Variants in AKT3 observed in about 807,000 individuals in gnomAD.
AKT3 encodes the protein AKT serine/threonine kinase 3.
AKT3 carries 15 observed loss-of-function variants against 65.3 expected under a neutral mutation model. That is an observed-to-expected ratio of 0.23 (90% CI 0.15 to 0.35). AKT3 has a LOEUF of 0.35. Among genes scored for constraint, AKT3 ranks in the 10% least tolerant of loss-of-function variants. The pLI, the probability that AKT3 is intolerant of heterozygous loss-of-function variation, is 1.00. For synonymous variants in AKT3, 206 were observed against 183.8 expected (o/e 1.12, Z -0.98); for missense variants, 243 against 576.5 (o/e 0.42, Z 5.92).
At chr1:243,815,776 A>AGTTGTTGTTGTTGTTGTTGTT (rs145906932) in intron 2 of AKT3, among the ~76,000 whole-genome samples, 21,696 of 147,104 alleles carry the variant, frequency 0.15, 1,780 homozygotes, top group East Asian at 0.24. Context: ...ACACCCAGCT[A>AGTTGTTGTTGTTGTTGTTGTT]GTTGTTGTTG....
At chr1:243,539,866 A>G (rs1475521948) in intron 12 of AKT3, among the ~76,000 whole-genome samples, 2 of 152,188 alleles carry the variant, frequency 1.3e-5, no homozygotes, top group Non-Finnish European at 2.9e-5. Flanking sequence ...TCCTTGAAAG[A>G]CACAAAGAGC....
chr1:243,684,216 G>T (rs1186831793), intron 3 of AKT3, among the ~76,000 whole-genome samples: 1 of 151,994 alleles, frequency 6.6e-6, no homozygotes, highest in East Asian at 1.9e-4. Flanking sequence ...GTGCAGGTTT[G>T]TTACATAGGT....
chr1:243,849,721 A>T (rs1695678956), intron 1 of AKT3, among the ~76,000 whole-genome samples: 1 of 151,104 alleles, frequency 6.6e-6, no homozygotes, highest in Admixed American at 6.6e-5. Flanking sequence ...GCCCAGACAC[A>T]GACGGTACCG....
intron 5 of AKT3, among the ~76,000 whole-genome samples, chr1:243,639,627 G>A (rs1238681249): frequency 1.3e-5 from 2 of 152,084 alleles, no homozygotes; most frequent in African/African-American, 4.8e-5. Context: ...ATGACATATC[G>A]GGAAGTTACC....
intron 12 of AKT3, among the ~76,000 whole-genome samples, chr1:243,526,665 A>G (rs544454999): frequency 6.6e-6 from 1 of 151,950 alleles, no homozygotes; most frequent in Non-Finnish European, 1.5e-5. Flanking sequence ...TCACTAAACT[A>G]TCAACCCACA....
At chr1:243,809,201 T>G (rs1692957310) in intron 2 of AKT3, among the ~76,000 whole-genome samples, 1 of 152,120 alleles carries the variant, frequency 6.6e-6, no homozygotes, top group South Asian at 2.1e-4. Flanking sequence ...TAAATGTAAA[T>G]GGGCTAAATG....
At chr1:243,544,838 G>A (rs1227333783) in intron 12 of AKT3, among the ~76,000 whole-genome samples, 1 of 151,360 alleles carries the variant, frequency 6.6e-6, no homozygotes, top group Non-Finnish European at 1.5e-5. Flanking sequence ...AGCCTTCTTA[G>A]GAGTGCGCCA....
chr1:243,636,802 A>G (rs1680006892), intron 6 of AKT3, among the ~76,000 whole-genome samples: 1 of 152,126 alleles, frequency 6.6e-6, no homozygotes, highest in Non-Finnish European at 1.5e-5. Context: ...GTATGATTCC[A>G]AAGCCAATGT....
chr1:243,706,364 A>G (rs1685796480), intron 2 of AKT3, among the ~76,000 whole-genome samples: 1 of 152,192 alleles, frequency 6.6e-6, no homozygotes, highest in African/African-American at 2.4e-5. Flanking sequence ...ACTAACTGGG[A>G]GTTTGCAGAG....
chr1:243,500,451 T>C lies in AKT3; in HGVS notation c.*4798A>G, dbSNP rs1348074499. 3 of 226,236 alleles carry C rather than the reference T, an allele frequency of 1.3e-5. No homozygotes were observed. The highest frequency in any genetic ancestry group is 2.2e-5 in the African/African-American group (1 of 44,982). 14.0% of individuals were successfully genotyped at this position (226,236 alleles called of 1,614,324 possible). The stretch of plus-strand genomic sequence containing the variant: ...AGTATTTGAGAGGAGCCTAAAAACG[T>C]ACTTAGTGAAATTAGAAAATTTACT... On this transcript the variant is annotated 3_prime_UTR_variant, in exon 14 of 14. Transcript: ENST00000673466.
At chr1:243,581,251 CCT>C (rs1260967352) in intron 8 of AKT3, among the ~76,000 whole-genome samples, 3 of 152,230 alleles carry the variant, frequency 2.0e-5, no homozygotes, top group Non-Finnish European at 4.4e-5. Context: ...CTGCCAACCC[CCT>C]GACCCTGGGG....
At chr1:243,843,696 G>A (rs1572445208) in intron 1 of AKT3, 2 of 550,102 alleles carry the variant, frequency 3.6e-6, no homozygotes, top group Non-Finnish European at 4.6e-6. Context: ...TCTGTCGCCA[G>A]GCTGGAGTAC....
At chr1:243,843,726 A>T (rs1262058202) in intron 1 of AKT3, 1 of 297,908 alleles carries the variant, frequency 3.4e-6, no homozygotes. Flanking sequence ...ATCTCTGCTC[A>T]CTGCAACCTC....
At chr1:243,757,605 G>C (rs998528756) in intron 2 of AKT3, among the ~76,000 whole-genome samples, 1 of 151,934 alleles carries the variant, frequency 6.6e-6, no homozygotes, top group African/African-American at 2.4e-5. Context: ...GCAGCAAAGA[G>C]CGAAACTCCA....
At chr1:243,824,008 A>G (rs932842208) in intron 2 of AKT3, among the ~76,000 whole-genome samples, 2 of 152,224 alleles carry the variant, frequency 1.3e-5, no homozygotes, top group African/African-American at 4.8e-5. Flanking sequence ...ACTTCAAACT[A>G]TACTACATGG....
chr1:243,742,573 C>T (rs1043225014), intron 2 of AKT3, among the ~76,000 whole-genome samples: 9 of 152,224 alleles, frequency 5.9e-5, no homozygotes, highest in East Asian at 5.8e-4. Flanking sequence ...TGCAGTGAGT[C>T]GAGACGGCAC....
intron 13 of AKT3, among the ~76,000 whole-genome samples, chr1:243,508,605 C>T (rs1380219636): frequency 6.6e-6 from 1 of 150,918 alleles, no homozygotes; most frequent in African/African-American, 2.5e-5. Context: ...GTCCAGGGCC[C>T]AGGAGCAGGG....
chr1:243,834,692 A>T (rs1694775943), intron 2 of AKT3, among the ~76,000 whole-genome samples: 1 of 152,036 alleles, frequency 6.6e-6, no homozygotes, highest in African/African-American at 2.4e-5. Context: ...CACGCAATTT[A>T]CCCATATAAC....
intron 4 of AKT3, among the ~76,000 whole-genome samples, chr1:243,654,890 T>C (rs1178727285): frequency 6.6e-6 from 1 of 152,182 alleles, no homozygotes; most frequent in African/African-American, 2.4e-5. Flanking sequence ...TGTTTTTTAA[T>C]AGTCTAATGA....
Sources: gnomAD v4.1 joint callset for allele counts (sites outside exome capture counted in the v4.1 genomes callset) on GRCh38, gnomAD v4.1.1 for gene constraint, MANE v1.5 for transcripts, NCBI Gene and HGNC (gene_info 2026-07-23, HGNC 2026-07-21) for gene names.